Variants in KLC3 observed in about 807,000 individuals in gnomAD.
KLC3 encodes kinesin light chain 2.
KLC3 carries 72 observed loss-of-function variants against 62.9 expected under a neutral mutation model. That is an observed-to-expected ratio of 1.15 (90% CI 0.95 to 1.39). The LOEUF (loss-of-function observed/expected upper bound fraction) is 1.39. Ranked by LOEUF, KLC3 falls within the 40% of genes most tolerant of loss-of-function variation. The pLI is 0.00. For synonymous variants in KLC3, 377 were observed against 300.5 expected, an observed-to-expected ratio of 1.25 and a Z score of -2.63; for missense variants, 848 against 691.6, an observed-to-expected ratio of 1.23 and a Z score of -2.54.
Position 45,351,370 on chromosome 19 carries a change from T to TGCGCTGGCC in KLC3, c.*16_*24dup. ...GAGCCCCCACTAACGTCCAGTGAACTGCGCTGGCCGCAGCTTCTTGGGAAC... is the reference window on the plus strand; with the variant it reads ...GAGCCCCCACTAACGTCCAGTGAACTGCGCTGGCCGCGCTGGCCGCAGCTTCTTGGGAAC... On this transcript the variant is annotated 3_prime_UTR_variant, in exon 13 of 13. Coordinates refer to ENST00000391946, the MANE Select transcript of KLC3 (RefSeq NM_177417.3). 1 of 1,609,210 alleles carries TGCGCTGGCC rather than the reference T, an allele frequency of 6.2e-7. No individual in the cohort carries two copies. The highest frequency in any genetic ancestry group is 8.5e-7 in the Non-Finnish European group (1 of 1,179,950).
chr19:45,343,152 G>A (rs1971424731), intron 1 of KLC3, among the ~76,000 whole-genome samples: 1 of 152,114 alleles, frequency 6.6e-6, no homozygotes, highest in Admixed American at 6.6e-5. Flanking sequence ...TCTTGGGAGT[G>A]TGTGCATCTG....
chr19:45,346,405 G>A (rs927933129), intron 2 of KLC3, 139 bp from the exon 3 acceptor site: 12 of 773,760 alleles, frequency 1.6e-5, no homozygotes, highest in Non-Finnish European at 2.4e-5. Flanking sequence ...CTGGGGCCAT[G>A]TTGGCAGAGT....
At chr19:45,343,687 T>C (rs776031222) in intron 1 of KLC3, among the ~76,000 whole-genome samples, 1 of 152,140 alleles carries the variant, frequency 6.6e-6, no homozygotes, top group Non-Finnish European at 1.5e-5. Context: ...GTATACAGAT[T>C]GTTTTTGAAA....
chr19:45,347,392 C>T (rs1440152067), intron 3 of KLC3, 55 bp from the exon 4 acceptor site: 47 of 1,353,074 alleles, frequency 3.5e-5, no homozygotes, highest in Middle Eastern at 1.9e-4. Context: ...GCCAGGGCCC[C>T]GGTCTCTGAA....
At chr19:45,341,578 T>TGTGCGCGCGCGCGCGC in intron 1 of KLC3, among the ~76,000 whole-genome samples, 20 of 139,896 alleles carry the variant, frequency 1.4e-4, no homozygotes, top group African/African-American at 2.1e-4. Context: ...TGTGTGTGTG[T>TGTGCGCGCGCGCGCGC]GCGCGCGCGC....
intron 7 of KLC3, 76 bp from the exon 8 acceptor site, chr19:45,349,353 A>T: frequency 6.9e-7 from 1 of 1,442,934 alleles, no homozygotes; most frequent in Non-Finnish European, 9.4e-7. Context: ...CCAACTCATG[A>T]CCACCATACA....
At chr19:45,348,216 G>T (rs934227369) in intron 5 of KLC3, 56 bp downstream of exon 5, 21 of 1,453,270 alleles carry the variant, frequency 1.4e-5, no homozygotes, top group Non-Finnish European at 1.4e-5. Flanking sequence ...CCCATTGGGT[G>T]CAAGTGGAAG....
intron 2 of KLC3, 33 bp from the exon 3 acceptor site, chr19:45,346,511 C>G (rs1317431264): frequency 6.7e-7 from 1 of 1,495,748 alleles, no homozygotes; most frequent in African/African-American, 1.4e-5. Context: ...AGGGCAGGAA[C>G]CAACCTCGAC....
chr19:45,344,583 T>C (rs1971451401), intron 1 of KLC3, among the ~76,000 whole-genome samples: 1 of 151,874 alleles, frequency 6.6e-6, no homozygotes, highest in East Asian at 1.9e-4. Context: ...GAGAGGAAAA[T>C]GTGTATGTTG....
chr19:45,347,357 CAAAA>C (rs943153460), intron 3 of KLC3, 86 bp from the exon 4 acceptor site: 4 of 734,538 alleles, frequency 5.4e-6, no homozygotes, highest in South Asian at 3.9e-5. Context: ...AAAAAAAAAA[CAAAA>C]AAACAAAAAC....
intron 3 of KLC3, chr19:45,347,130 G>C (rs1432659027): frequency 2.4e-6 from 1 of 417,190 alleles, no homozygotes; most frequent in African/African-American, 2.1e-5. Context: ...ATCACCTGAG[G>C]TCCGGATTTC....
At position 45,347,921 on chromosome 19, in the gene KLC3, G is replaced by GCCCCC; in HGVS notation, c.560-17_560-16insCCCCC. The GCCCCC allele has an allele frequency of 6.3e-7, 1 of 1,575,118 alleles. No homozygotes were observed. Among genetic ancestry groups the GCCCCC allele is most frequent in the Non-Finnish European group, 8.6e-7 (1 of 1,156,764 alleles). On this transcript the variant is annotated intron_variant, in intron 4 of 12. Transcript: ENST00000391946. The stretch of plus-strand genomic sequence containing the variant: ...GGCAGGAGGCTTGCAGTGACCCAGA[G>GCCCCC]CCCACCCCACCCCACCTAGGTCCTG...
At position 45,346,563 on chromosome 19, in the gene KLC3, C is replaced by CACATGTGGGT. The variant is rs771782852; in HGVS notation, c.279_288dup (p.Ala97ThrfsTer73). Reference sequence around the variant, plus strand: ...GGGCAGGTGCTGCTGGCCCTGTCGGCACATGTGGGTGCACTGGAGGCAGAG... The same window carrying CACATGTGGGT: ...GGGCAGGTGCTGCTGGCCCTGTCGGCACATGTGGGTACATGTGGGTGCACTGGAGGCAGAG... On this transcript the variant is annotated frameshift_variant, in exon 3 of 13. Transcript: ENST00000391946. LOFTEE classifies it high-confidence loss of function. The CACATGTGGGT allele has an allele frequency of 2.9e-5, 44 of 1,542,832 alleles. No homozygotes were observed. The highest frequency in any genetic ancestry group is 3.9e-5 in the Non-Finnish European group (44 of 1,142,606).
chr19:45,350,333 C>T lies in KLC3; in HGVS notation c.1144-8C>T. On this transcript the variant is annotated splice_polypyrimidine_tract_variant and splice_region_variant and intron_variant, in intron 8 of 12. Coordinates refer to ENST00000391946, the MANE Select transcript of KLC3 (RefSeq NM_177417.3). ...CCGAAAAGTTCCCAGACACTCCCTT[C>T]TCCGCAGGCCTCAGCCTACCTGAAA... is the stretch of plus-strand genomic sequence containing the variant. 1 of 1,612,196 alleles carries T rather than the reference C, an allele frequency of 6.2e-7. No homozygotes were observed. The highest frequency in any genetic ancestry group is 8.5e-7 in the Non-Finnish European group (1 of 1,179,314).
intron 12 of KLC3, 75 bp from the exon 13 acceptor site, chr19:45,351,211 G>A (rs1423404358): frequency 8.2e-6 from 13 of 1,589,070 alleles, no homozygotes; most frequent in East Asian, 2.2e-5. Flanking sequence ...CTGCCAGGCT[G>A]GACCTGGAGC....
At position 45,346,606 on chromosome 19, in the gene KLC3, G is replaced by A. The variant is rs965244551; in HGVS notation, c.321G>A (p.Ser107=). Residue 107 remains serine (S), a synonymous_variant, in exon 3 of 13, where the codon TCG becomes TCA. Coordinates refer to ENST00000391946, the MANE Select transcript of KLC3 (RefSeq NM_177417.3). ...AGGCAGAGAAGCAGCGGCTGCGCTCGCAGGCCCGGCGGCTGGCCCAGGAGA... is the reference window on the plus strand; with the variant it reads ...AGGCAGAGAAGCAGCGGCTGCGCTCACAGGCCCGGCGGCTGGCCCAGGAGA... ...ALEAEKQRLR[S]QARRLAQENV... 3.9e-6 allele frequency: 6 copies of A among 1,550,048 alleles called. No individual in the cohort carries two copies. Among genetic ancestry groups the A allele is most frequent in the East Asian group, 4.9e-5 (2 of 40,990 alleles).
In KLC3 at chr19:45,345,691, G is replaced by C. The variant is rs1971474071; in HGVS notation, c.150G>C (p.Glu50Asp). The change falls in exon 2 of 13, where the codon GAG becomes GAC. Residue 50 changes from glutamate (E) to aspartate (D), a missense_variant. Physicochemically the swap from Glu to Asp is conservative, Grantham distance 45. Coordinates refer to ENST00000391946, the MANE Select transcript of KLC3 (RefSeq NM_177417.3). ...EHHGLAGHLA[E>D]ALAGQGPAAG... ...ATGGCCTGGCTGGGCACCTGGCGGAGGCCCTGGCGGGACAGGGCCCGGCAG... is the reference window on the plus strand; with the variant it reads ...ATGGCCTGGCTGGGCACCTGGCGGACGCCCTGGCGGGACAGGGCCCGGCAG... 1.9e-6 allele frequency: 3 copies of C among 1,571,796 alleles called. No homozygotes were observed. In the African/African-American group the frequency reaches 4.0e-5, roughly 21 times the overall value.
At chr19:45,345,198 G>T (rs987062381) in intron 1 of KLC3, 3 of 488,636 alleles carry the variant, frequency 6.1e-6, no homozygotes, top group African/African-American at 4.0e-5. Context: ...GGCTGGCCAG[G>T]TGAGCTGAGG....
intron 1 of KLC3, among the ~76,000 whole-genome samples, chr19:45,341,502 T>TGACCAAG (rs1971392962): frequency 6.6e-6 from 1 of 151,046 alleles, no homozygotes; most frequent in Non-Finnish European, 1.5e-5. Context: ...GTTGTAGGAT[T>TGACCAAG]AGGTGTGATT....
Sources: allele counts gnomAD v4.1 joint callset (sites outside exome capture counted in the v4.1 genomes callset), GRCh38; gene constraint gnomAD v4.1.1; transcripts MANE v1.5; gene names NCBI Gene and HGNC (gene_info 2026-07-23, HGNC 2026-07-21).